Variants in PAX6 observed in about 807,000 individuals in gnomAD.
PAX6 encodes the protein paired box 6.
A neutral mutation model predicts 60.7 loss-of-function variants in PAX6; 7 were observed. That is an observed-to-expected ratio of 0.12 (90% CI 0.07 to 0.22). The LOEUF (loss-of-function observed/expected upper bound fraction) is 0.22. Among genes scored for constraint, PAX6 ranks in the 10% least tolerant of loss-of-function variants. The pLI is 1.00. For missense variants in PAX6, 355 were observed against 555.2 expected (o/e 0.64, Z 3.62); for synonymous variants, 208 against 201.2 (o/e 1.03, Z -0.29).
chr11:31,791,927 A>C (rs930119316), intron 12 of PAX6: 2 of 152,230 alleles, frequency 1.3e-5, no homozygotes, highest in African/African-American at 2.4e-5. Context: ...TGAATTATAC[A>C]AATTATGTAA....
chr11:31,801,377 A>AT, intron 7 of PAX6, 184 bp downstream of exon 7: 1 of 1,492,916 alleles, frequency 6.7e-7, no homozygotes, highest in Admixed American at 2.1e-5. Context: ...CTTGACTCCC[A>AT]TTTTCCAGAC....
Position 31,810,987 on chromosome 11 carries a change from G to C in PAX6, c.-288C>G. The C allele has an allele frequency of 2.5e-6, 1 of 399,334 alleles. No homozygotes were observed. The highest frequency in any genetic ancestry group is 4.4e-6 in the Non-Finnish European group (1 of 226,166). The allele number at this position is 399,334 out of a possible 1,614,324, so 24.7% of individuals were successfully genotyped here. A position where few individuals can be genotyped will look rare whatever the true frequency, so the allele number is the denominator to read the frequency against. On this transcript the variant is annotated 5_prime_UTR_variant, in exon 2 of 14. Coordinates refer to ENST00000640368, the MANE Select transcript of PAX6 (RefSeq NM_001368894.2). ...GAGTTTTCTCCACGGATGTTGCTGG[G>C]TTGGTGTGTGAGAGCAATTCTCAGA...
intron 8 of PAX6, among the ~76,000 whole-genome samples, chr11:31,795,057 C>T (rs1951090670): frequency 6.6e-6 from 1 of 152,126 alleles, no homozygotes; most frequent in Non-Finnish European, 1.5e-5. Flanking sequence ...CTGAAGTTTC[C>T]AATTAAAATG....
Position 31,811,253 on chromosome 11 carries a change from T to A in PAX6, c.-455A>T. The stretch of plus-strand genomic sequence containing the variant: ...CCAGCAAAACACTTCCTCCTGCGCC[T>A]GAACCAGAGCGGGAAATGAGGCCGA... On this transcript the variant is annotated 5_prime_UTR_variant, in exon 1 of 14. Coordinates refer to ENST00000640368, the MANE Select transcript of PAX6 (RefSeq NM_001368894.2). 1 of 399,130 alleles carries A rather than the reference T, an allele frequency of 2.5e-6. No individual in the cohort carries two copies. The highest frequency in any genetic ancestry group is 4.4e-6 in the Non-Finnish European group (1 of 226,120). 24.7% of individuals were successfully genotyped at this position (399,130 alleles called of 1,614,324 possible).
At chr11:31,812,296 C>G (rs1222350004), upstream of PAX6, 201 of 109,986 alleles carry the variant, frequency 1.8e-3, 2 homozygotes, top group African/African-American at 7.9e-3. Context: ...GATTCTCTCT[C>G]TCTCTCTGTG....
In PAX6 at chr11:31,801,907, A is replaced by C. The variant is rs1454718093; in HGVS notation, c.147T>G (p.His49Gln). 1.2e-6 allele frequency: 2 copies of C among 1,613,832 alleles called. No homozygotes were observed. The highest frequency in any genetic ancestry group is 1.1e-5 in the South Asian group (1 of 91,058). Residue 49 changes from histidine (H) to glutamine (Q), a missense_variant, in exon 6 of 14, where the codon CAT (histidine) becomes CAG (glutamine). By Grantham distance (24) the His-to-Gln change is conservative. Coordinates refer to ENST00000640368, the MANE Select transcript of PAX6 (RefSeq NM_001368894.2). The part of the protein sequence containing the change: ...PCDISRILQT[H>Q]ADAKVQVLDN... ...CCAGCACTTGGACTTTTGCATCTGC[A>C]TGGGTCTATAACACAAAAATATACC...
chr11:31,802,287 T>C (rs925145099), intron 5 of PAX6: 30 of 318,630 alleles, frequency 9.4e-5, no homozygotes, highest in African/African-American at 6.6e-4. Context: ...ATATTATTCA[T>C]AAACATGAAG....
At chr11:31,790,096 A>T in intron 13 of PAX6, 77 bp from the exon 14 acceptor site, 1 of 531,186 alleles carries the variant, frequency 1.9e-6, no homozygotes. Flanking sequence ...TTATAGGTTT[A>T]CAAAAAAAAA....
chr11:31,793,755 C>T lies in PAX6; in HGVS notation c.855G>A (p.Leu285=). The change falls in exon 11 of 14, where the codon CTG becomes CTA. Residue 285 remains leucine (L), a synonymous_variant. Coordinates refer to ENST00000640368, the MANE Select transcript of PAX6 (RefSeq NM_001368894.2). The part of the protein sequence containing the change: ...RRAKWRREEK[L]RNQRRQASNT... Reference sequence around the variant, plus strand: ...TGCTGGCCTGTCTTCTCTGATTCCTCAGTTTTTCTTCTCTTCTCCATTTGG... The same window carrying T: ...TGCTGGCCTGTCTTCTCTGATTCCTTAGTTTTTCTTCTCTTCTCCATTTGG... 1 of 1,614,178 alleles carries T rather than the reference C, an allele frequency of 6.2e-7. No homozygotes were observed. Among genetic ancestry groups the T allele is most frequent in the Non-Finnish European group, 8.5e-7 (1 of 1,180,022 alleles).
At chr11:31,816,702 G>A (rs1957395987) in intron 1 of PAX6, 1 of 545,954 alleles carries the variant, frequency 1.8e-6, no homozygotes, top group South Asian at 1.6e-5. Context: ...GTGAGCAGGG[G>A]GCGCCACCGC....
At chr11:31,802,139 C>T (rs545381708) in intron 5 of PAX6, 13 of 554,766 alleles carry the variant, frequency 2.3e-5, no homozygotes, top group African/African-American at 1.7e-4. Context: ...GCTGACCTTG[C>T]TTAAAGTGGC....
chr11:31,800,432 CACAA>C, intron 8 of PAX6: 1 of 585,304 alleles, frequency 1.7e-6, no homozygotes. Context: ...CAGTGCTGCC[CACAA>C]ACACACACAC....
intron 4 of PAX6, chr11:31,803,057 C>A (rs963094724): frequency 1.7e-6 from 1 of 596,798 alleles, no homozygotes; most frequent in East Asian, 2.9e-5. Flanking sequence ...TGCTATCGAT[C>A]AAATAAAGGA....
chr11:31,796,391 G>A (rs1349900181), intron 8 of PAX6, among the ~76,000 whole-genome samples: 2 of 151,724 alleles, frequency 1.3e-5, no homozygotes, highest in Non-Finnish European at 2.9e-5. Context: ...TCAGTGAAGT[G>A]TGTTAACCCC....
chr11:31,789,810 G>T lies in PAX6; in HGVS notation c.*124C>A. Reference sequence around the variant, plus strand: ...CAGTGGTACAATACAGGACACAATTGTAGAACTGAAGCGGCTCTAACAGCC... The same window carrying T: ...CAGTGGTACAATACAGGACACAATTTTAGAACTGAAGCGGCTCTAACAGCC... On this transcript the variant is annotated 3_prime_UTR_variant, in exon 14 of 14. Coordinates refer to ENST00000640368, the MANE Select transcript of PAX6 (RefSeq NM_001368894.2). 2 of 841,222 alleles carry T rather than the reference G, an allele frequency of 2.4e-6. No individual in the cohort carries two copies. The highest frequency in any genetic ancestry group is 3.9e-6 in the Non-Finnish European group (2 of 508,518). The allele number at this position is 841,222 out of a possible 1,614,324, so 52.1% of individuals were successfully genotyped here.
intron 4 of PAX6, chr11:31,804,135 C>T (rs946275884): frequency 1.3e-5 from 2 of 152,210 alleles, no homozygotes; most frequent in African/African-American, 4.8e-5. Flanking sequence ...GCCTCTCTGA[C>T]ATTTGTCTTT....
At chr11:31,791,323 G>A (rs1295197580) in intron 12 of PAX6, 1 of 260,512 alleles carries the variant, frequency 3.8e-6, no homozygotes, top group African/African-American at 2.2e-5. Context: ...GTATGGTTCA[G>A]GGACCTTGGG....
chr11:31,810,390 T>C (rs538910699), intron 2 of PAX6: 1 of 153,414 alleles, frequency 6.5e-6, no homozygotes, highest in South Asian at 2.1e-4. Context: ...GGCCTCGGGC[T>C]GGACAAAGCA....
intron 1 of PAX6, among the ~76,000 whole-genome samples, chr11:31,816,931 C>T (rs1957409704): frequency 6.6e-6 from 1 of 152,244 alleles, no homozygotes; most frequent in Non-Finnish European, 1.5e-5. Context: ...GGCCGGGCTC[C>T]CAGGACTTTC....
Sources: gnomAD v4.1 joint callset for allele counts (sites outside exome capture counted in the v4.1 genomes callset) on GRCh38, gnomAD v4.1.1 for gene constraint, MANE v1.5 for transcripts, NCBI Gene and HGNC (gene_info 2026-07-23, HGNC 2026-07-21) for gene names.